The following SI variants were observed in gnomAD, a reference collection of about 807,000 sequenced individuals.
SI encodes the protein sucrase-isomaltase, intestinal.
SI carries 235 observed loss-of-function variants against 253.3 expected under a neutral mutation model. That is an observed-to-expected ratio of 0.93 (90% CI 0.83 to 1.03). SI has a LOEUF of 1.03. SI is among the 50% of genes least tolerant of loss of function. The probability of loss-of-function intolerance (pLI) is 0.00; values close to 1 mark genes in which losing one functional copy is unlikely to be tolerated. For missense variants in SI, 2,442 were observed against 2,211.1 expected, an observed-to-expected ratio of 1.10 and a Z score of -2.09; for synonymous variants, 819 against 712.0, an observed-to-expected ratio of 1.15 and a Z score of -2.39.
In SI at chr3:165,030,845, T is replaced by C. The variant is rs754157329; in HGVS notation, c.2759A>G (p.Lys920Arg). ...ACTAAAGTTTCTTCCAAGATTAAGT[T>C]TGAGATCTGCAATTAGGAGAACCTT... is the stretch of plus-strand genomic sequence containing the variant. The part of the protein sequence containing the change: ...SNQVLLIADL[K>R]LNLGRNFSVQ... Residue 920 changes from lysine to arginine, a missense_variant, in exon 25 of 48, where the codon AAA (lysine) becomes AGA (arginine). Transcript: ENST00000264382. 23 of 1,592,684 alleles carry C rather than the reference T, an allele frequency of 1.4e-5. No homozygotes were observed. The South Asian group carries it at 1.5e-4, about 10-fold the overall frequency.
intron 3 of SI, among the ~76,000 whole-genome samples, chr3:165,070,447 A>G (rs1714504075): frequency 6.6e-6 from 1 of 150,612 alleles, no homozygotes; most frequent in African/African-American, 2.4e-5. Flanking sequence ...AAACTGGGGT[A>G]CAATTGGATC....
intron 25 of SI, among the ~76,000 whole-genome samples, chr3:165,026,430 T>C (rs1817264): frequency 0.72 from 108,200 of 151,002 alleles, 39,973 homozygotes; most frequent in East Asian, 0.85. Context: ...ATCATCAAGA[T>C]GGAAAGTCAA....
At chr3:165,016,238 A>T (rs770092338) in intron 31 of SI, among the ~76,000 whole-genome samples, 158 bp from the exon 32 acceptor site, 1 of 152,058 alleles carries the variant, frequency 6.6e-6, no homozygotes, top group Non-Finnish European at 1.5e-5. Flanking sequence ...CAAGGAATAA[A>T]AGTAGCATGT....
At position 165,021,812 on chromosome 3, in the gene SI, A is replaced by G. The variant is rs903654215; in HGVS notation, c.3100-429T>C. On this transcript the variant is annotated intron_variant, in intron 26 of 47. Transcript: ENST00000264382. ...TTTATTTCTTCAGCACATTTCTTAA[A>G]TACCACTAGGGTCTGAGTATACTTA... Among the ~76,000 whole-genome samples the G allele has an allele frequency of 6.6e-5, 10 of 151,600 alleles. No individual in the cohort carries two copies. In the Admixed American group the frequency reaches 6.6e-4, roughly 10 times the overall value.
rs138890860 is a variant in SI, at chr3:164,987,021, C to A, written c.5197+117G>T. Reference sequence around the variant, plus strand: ...CAGTGAATTTAGTAAAATCTTTTAGCCTTGAATAATATTAATAGCTTTGTA... The same window carrying A: ...CAGTGAATTTAGTAAAATCTTTTAGACTTGAATAATATTAATAGCTTTGTA... On this transcript the variant is annotated intron_variant, in intron 45 of 47. Coordinates refer to ENST00000264382, the MANE Select transcript of SI (RefSeq NM_001041.4). The A allele has an allele frequency of 1.5e-5, 12 of 821,452 alleles. No homozygotes were observed. In the African/African-American group the frequency reaches 1.7e-4, roughly 12 times the overall value. 50.9% of individuals were successfully genotyped at this position (821,452 alleles called of 1,614,324 possible).
Position 165,046,836 on chromosome 3 carries a change from C to T in SI, c.1887+5G>A. ...TATGAGTAACACTCTATGAAACTGT[C>T]TTACCAAAGGTATTCCAAACAAACT... On this transcript the variant is annotated splice_donor_5th_base_variant and intron_variant, in intron 16 of 47. Transcript: ENST00000264382. 1 of 1,608,600 alleles carries T rather than the reference C, an allele frequency of 6.2e-7. No homozygotes were observed. Among genetic ancestry groups the T allele is most frequent in the Non-Finnish European group, 8.5e-7 (1 of 1,175,506 alleles).
At chr3:164,994,022 T>C (rs1717897975) in intron 41 of SI, among the ~76,000 whole-genome samples, 1 of 151,816 alleles carries the variant, frequency 6.6e-6, no homozygotes, top group Non-Finnish European at 1.5e-5. Context: ...TATTCTGAAA[T>C]AGAATCATTA....
At chr3:165,051,772 A>T (rs1301514112) in intron 13 of SI, among the ~76,000 whole-genome samples, 2 of 152,016 alleles carry the variant, frequency 1.3e-5, no homozygotes, top group African/African-American at 4.8e-5. Flanking sequence ...ATTTGCCATA[A>T]ATTTCACAAA....
chr3:165,014,227 C>G (rs975697899), intron 33 of SI, among the ~76,000 whole-genome samples: 20 of 152,064 alleles, frequency 1.3e-4, no homozygotes, highest in African/African-American at 4.8e-4. Flanking sequence ...AATTGTGTCT[C>G]TCATCATAGA....
chr3:165,016,930 GT>G (rs1231781462), intron 31 of SI, among the ~76,000 whole-genome samples: 1 of 151,638 alleles, frequency 6.6e-6, no homozygotes, highest in African/African-American at 2.4e-5. Flanking sequence ...TTATAATGAG[GT>G]TTTTCTGATT....
intron 25 of SI, among the ~76,000 whole-genome samples, chr3:165,029,750 G>A (rs1484701340): frequency 2.0e-5 from 3 of 149,604 alleles, no homozygotes; most frequent in East Asian, 2.0e-4. Context: ...CTTTATATTC[G>A]TTTTGATAAA....
At chr3:164,990,989 T>TA (rs139663137) in intron 44 of SI, among the ~76,000 whole-genome samples, 7,845 of 151,870 alleles carry the variant, frequency 0.052, 675 homozygotes, top group African/African-American at 0.18. Flanking sequence ...AAAGATAATA[T>TA]TTTTTTTGAA....
At chr3:165,082,184 G>T (rs968994892), upstream of SI, among the ~76,000 whole-genome samples, 2 of 151,816 alleles carry the variant, frequency 1.3e-5, no homozygotes, top group African/African-American at 4.8e-5. Context: ...TATCTCAATT[G>T]ATATCTTTAC....
chr3:165,059,145 A>G (rs1713857723), intron 11 of SI, 23 bp downstream of exon 11: 3 of 1,611,776 alleles, frequency 1.9e-6, no homozygotes, highest in South Asian at 1.1e-5. Context: ...CTAAAAATGT[A>G]TTAAGGTATA....
chr3:165,040,264 C>T (rs1280138454), intron 18 of SI, among the ~76,000 whole-genome samples: 1 of 147,484 alleles, frequency 6.8e-6, no homozygotes, highest in African/African-American at 2.5e-5. Context: ...GGGATGGGAA[C>T]AGAGGGAAGG....
At chr3:165,007,047 T>C in intron 36 of SI, 93 bp from the exon 37 acceptor site, 1 of 918,504 alleles carries the variant, frequency 1.1e-6, no homozygotes, top group South Asian at 1.5e-5. Context: ...GACAAAGAAA[T>C]TAATCAGTGT....
intron 3 of SI, 54 bp downstream of exon 3, chr3:165,074,477 T>C (rs1284663043): frequency 1.9e-5 from 22 of 1,139,462 alleles, no homozygotes; most frequent in Non-Finnish European, 2.7e-5. Flanking sequence ...AGCAATTATC[T>C]TAATATAATA....
chr3:164,992,251 AG>A lies in SI; in HGVS notation c.4927-19del. ...TGAACATACTGGAATGTAAATAAAT[AG>A]CCATTAGTTGTATATAAACCAAAGA... On this transcript the variant is annotated intron_variant, in intron 42 of 47. Transcript: ENST00000264382. The A allele has an allele frequency of 1.9e-6, 3 of 1,612,764 alleles. No individual in the cohort carries two copies. The highest frequency in any genetic ancestry group is 1.7e-6 in the Non-Finnish European group (2 of 1,178,932).
the SI span, among the ~76,000 whole-genome samples, chr3:165,084,755 C>A: frequency 6.6e-6 from 1 of 151,730 alleles, no homozygotes; most frequent in Middle Eastern, 3.2e-3. Flanking sequence ...AATATTTGTT[C>A]ACATATTGGA....
Sources: allele counts gnomAD v4.1 joint callset (sites outside exome capture counted in the v4.1 genomes callset), GRCh38; gene constraint gnomAD v4.1.1; transcripts MANE v1.5; gene names NCBI Gene and HGNC (gene_info 2026-07-23, HGNC 2026-07-21).